The following ASXL2 variants were observed in gnomAD, a reference collection of about 807,000 sequenced individuals.
The protein encoded by ASXL2 is ASXL transcriptional regulator 2, also known as putative Polycomb group protein ASXL2.
ASXL2 carries 23 observed loss-of-function variants against 122.0 expected under a neutral mutation model. The ratio of observed to expected loss-of-function variants is 0.19; its 90% confidence interval spans 0.14 to 0.27. The LOEUF is 0.27. ASXL2 is among the 10% of genes least tolerant of loss of function. The pLI is 1.00. For synonymous variants in ASXL2, 650 were observed against 637.0 expected, an observed-to-expected ratio of 1.02 and a Z score of -0.31; for missense variants, 1,518 against 1,713.8, an observed-to-expected ratio of 0.89 and a Z score of 2.02.
At chr2:25,833,830 T>C (rs1453139673) in intron 3 of ASXL2, among the ~76,000 whole-genome samples, 1 of 152,126 alleles carries the variant, frequency 6.6e-6, no homozygotes, top group African/African-American at 2.4e-5. Flanking sequence ...TCCCTTAAAG[T>C]TTAACCTTGA....
chr2:25,777,377 C>T (rs2088562656), intron 5 of ASXL2, among the ~76,000 whole-genome samples: 1 of 152,090 alleles, frequency 6.6e-6, no homozygotes, highest in African/African-American at 2.4e-5. Flanking sequence ...ACATGGCTCA[C>T]ACCTATAATC....
intron 1 of ASXL2, among the ~76,000 whole-genome samples, chr2:25,877,569 A>G (rs1215738299): frequency 6.6e-6 from 1 of 152,036 alleles, no homozygotes; most frequent in South Asian, 2.1e-4. Context: ...AAAAAATTCT[A>G]CAAGTCCCAC....
intron 1 of ASXL2, among the ~76,000 whole-genome samples, chr2:25,862,766 ATT>A (rs879348817): frequency 5.5e-5 from 8 of 145,156 alleles, no homozygotes; most frequent in Admixed American, 6.9e-5. Flanking sequence ...TGCCCTGCTA[ATT>A]TTTTTTTTTT....
chr2:25,844,359 T>C (rs372118234), intron 2 of ASXL2, among the ~76,000 whole-genome samples: 43 of 152,098 alleles, frequency 2.8e-4, no homozygotes, highest in African/African-American at 7.2e-4. Context: ...AGCAGGCAGA[T>C]TGCCTGAGCT....
intron 1 of ASXL2, among the ~76,000 whole-genome samples, chr2:25,855,882 C>CATTTATTTATTT (rs147256555): frequency 0.21 from 29,379 of 142,366 alleles, 3,407 homozygotes; most frequent in African/African-American, 0.23. Flanking sequence ...CTTGATAATG[C>CATTTATTTATTT]ATTTATTTAT....
At chr2:25,862,286 C>G (rs950852339) in intron 1 of ASXL2, among the ~76,000 whole-genome samples, 9 of 152,054 alleles carry the variant, frequency 5.9e-5, no homozygotes, top group Admixed American at 5.9e-4. Context: ...CAAAGCCAAA[C>G]AAAGAAATTT....
chr2:25,803,136 T>TGAAG (rs2089025211), intron 4 of ASXL2, among the ~76,000 whole-genome samples: 1 of 135,556 alleles, frequency 7.4e-6, no homozygotes, highest in Non-Finnish European at 1.5e-5. Flanking sequence ...CATCTCAAAA[T>TGAAG]GAATGAATGA....
At chr2:25,864,804 A>G (rs2089881175) in intron 1 of ASXL2, among the ~76,000 whole-genome samples, 1 of 152,012 alleles carries the variant, frequency 6.6e-6, no homozygotes, top group Non-Finnish European at 1.5e-5. Flanking sequence ...TTACACAATT[A>G]CAAAAATAAA....
intron 1 of ASXL2, among the ~76,000 whole-genome samples, chr2:25,855,259 C>G (rs1378648538): frequency 6.6e-6 from 1 of 152,098 alleles, no homozygotes; most frequent in Non-Finnish European, 1.5e-5. Context: ...AACTTGGTAA[C>G]AGGCCAGGCG....
chr2:25,822,878 T>A, intron 3 of ASXL2: 1 of 550,294 alleles, frequency 1.8e-6, no homozygotes, highest in Non-Finnish European at 3.7e-6. Context: ...AGGATGCAGA[T>A]TGACCAGAAG....
At position 25,786,243 on chromosome 2, in the gene ASXL2, CT is replaced by C. The variant is rs370316025; in HGVS notation, c.403+13141del. Reference sequence around the variant, plus strand: ...AAACAACCTACTACTCCACATCATTCTTTTTTTTTTTTTTTTGAGATGGAGT... The same window carrying C: ...AAACAACCTACTACTCCACATCATTCTTTTTTTTTTTTTTTGAGATGGAGT... On this transcript the variant is annotated intron_variant, in intron 5 of 12. Transcript: ENST00000435504. 6.1e-4 allele frequency among the ~76,000 whole-genome samples: 69 copies of C among 112,374 alleles called. 2 individuals carry two copies. The highest frequency in any genetic ancestry group is 1.5e-3 in the Admixed American group (14 of 9,490). The allele number at this position is 112,374 out of a possible 152,430, so 73.7% of individuals were successfully genotyped here.
At chr2:25,877,334 T>G (rs1488108619) in intron 1 of ASXL2, among the ~76,000 whole-genome samples, 1 of 152,210 alleles carries the variant, frequency 6.6e-6, no homozygotes, top group Admixed American at 6.5e-5. Context: ...TTTTTCTTCT[T>G]AAAATATGGT....
chr2:25,853,917 A>G (rs1176346437), intron 1 of ASXL2, among the ~76,000 whole-genome samples: 1 of 152,146 alleles, frequency 6.6e-6, no homozygotes, highest in African/African-American at 2.4e-5. Flanking sequence ...AGACACTAGT[A>G]AAAATGCCTC....
chr2:25,818,872 G>C (rs1353985129), intron 3 of ASXL2, among the ~76,000 whole-genome samples: 1 of 152,142 alleles, frequency 6.6e-6, no homozygotes, highest in Non-Finnish European at 1.5e-5. Context: ...TTCCCCTGTA[G>C]TGTGGGTAGG....
At chr2:25,768,406 C>T (rs1268644612) in intron 7 of ASXL2, among the ~76,000 whole-genome samples, 1 of 152,126 alleles carries the variant, frequency 6.6e-6, no homozygotes, top group Non-Finnish European at 1.5e-5. Context: ...CGAGCTCAAC[C>T]AATCCTCCCA....
intron 11 of ASXL2, among the ~76,000 whole-genome samples, chr2:25,752,087 C>G (rs1323618094): frequency 6.6e-6 from 1 of 152,130 alleles, no homozygotes; most frequent in Non-Finnish European, 1.5e-5. Context: ...TTATGGAACT[C>G]TTAATCTCAA....
At chr2:25,758,851 T>A (rs1389599157) in intron 9 of ASXL2, among the ~76,000 whole-genome samples, 1 of 152,188 alleles carries the variant, frequency 6.6e-6, no homozygotes, top group East Asian at 1.9e-4. Flanking sequence ...TTTATTTATC[T>A]GGACCCATGT....
At chr2:25,809,313 T>C (rs1183783751) in intron 3 of ASXL2, among the ~76,000 whole-genome samples, 1 of 149,830 alleles carries the variant, frequency 6.7e-6, no homozygotes. Flanking sequence ...AAAAAAGAAA[T>C]AACATTGTCC....
At chr2:25,872,663 G>A (rs1371585503) in intron 1 of ASXL2, among the ~76,000 whole-genome samples, 1 of 151,982 alleles carries the variant, frequency 6.6e-6, no homozygotes, top group Non-Finnish European at 1.5e-5. Flanking sequence ...CTATAGAGAG[G>A]AAAAATTTTA....
Sources: gnomAD v4.1 joint callset for allele counts (sites outside exome capture counted in the v4.1 genomes callset) on GRCh38, gnomAD v4.1.1 for gene constraint, MANE v1.5 for transcripts, NCBI Gene and HGNC (gene_info 2026-07-23, HGNC 2026-07-21) for gene names.